Variants in C9 observed in about 807,000 individuals in gnomAD.
The protein encoded by C9 is complement C9.
A neutral mutation model predicts 65.4 loss-of-function variants in C9; 63 were observed. That is an observed-to-expected ratio of 0.96 (90% CI 0.79 to 1.19). The LOEUF is 1.19. Among genes scored for constraint, C9 ranks in the 50% most tolerant of loss-of-function variants. The pLI is 0.00. For missense variants in C9, 744 were observed against 670.1 expected, an observed-to-expected ratio of 1.11 and a Z score of -1.22; for synonymous variants, 229 against 227.9, an observed-to-expected ratio of 1.00 and a Z score of -0.04.
chr5:39,299,915 C>T (rs970433715), intron 9 of C9, among the ~76,000 whole-genome samples: 10 of 152,036 alleles, frequency 6.6e-5, no homozygotes, highest in African/African-American at 2.4e-4. Flanking sequence ...TTCAAATTGG[C>T]TAACTATACC....
chr5:39,312,755 T>C (rs1411735186), intron 6 of C9, among the ~76,000 whole-genome samples: 3 of 152,164 alleles, frequency 2.0e-5, no homozygotes, highest in African/African-American at 7.2e-5. Flanking sequence ...TAACATATGA[T>C]GATTATGTGG....
chr5:39,310,203 C>T (rs1212518157), intron 7 of C9, among the ~76,000 whole-genome samples: 1 of 152,114 alleles, frequency 6.6e-6, no homozygotes, highest in African/African-American at 2.4e-5. Flanking sequence ...CAGGCTTTTA[C>T]GTCACAGTTA....
intron 8 of C9, among the ~76,000 whole-genome samples, chr5:39,307,339 T>G (rs1412647428): frequency 6.6e-6 from 1 of 152,196 alleles, no homozygotes; most frequent in African/African-American, 2.4e-5. Flanking sequence ...TTTTTAAAAC[T>G]GGAAAGGAAT....
At chr5:39,358,801 C>T (rs910694214) in intron 1 of C9, among the ~76,000 whole-genome samples, 7 of 151,388 alleles carry the variant, frequency 4.6e-5, no homozygotes, top group East Asian at 3.9e-4. Flanking sequence ...CTGGCTAAAA[C>T]GGTGAAACCC....
At chr5:39,288,330 T>G (rs1468943809) in intron 10 of C9, among the ~76,000 whole-genome samples, 1 of 151,794 alleles carries the variant, frequency 6.6e-6, no homozygotes, top group African/African-American at 2.4e-5. Context: ...AAAAAGGGTT[T>G]TAAAGTATAT....
At chr5:39,317,228 T>G (rs1442142469) in intron 5 of C9, among the ~76,000 whole-genome samples, 1 of 150,896 alleles carries the variant, frequency 6.6e-6, no homozygotes, top group Non-Finnish European at 1.5e-5. Flanking sequence ...TTTAAGTTCC[T>G]CATAGACTCT....
intron 5 of C9, among the ~76,000 whole-genome samples, chr5:39,322,884 T>C (rs1753687118): frequency 6.6e-6 from 1 of 152,130 alleles, no homozygotes; most frequent in African/African-American, 2.4e-5. Flanking sequence ...AGGCTGAGCA[T>C]AGGGTATATG....
chr5:39,343,450 CA>C, intron 1 of C9, among the ~76,000 whole-genome samples: 1 of 152,308 alleles, frequency 6.6e-6, no homozygotes, highest in East Asian at 1.9e-4. Context: ...AGTCTGAGAT[CA>C]AACTGCAAGG....
chr5:39,311,447 AT>A, intron 6 of C9, 70 bp from the exon 7 acceptor site: 1 of 1,495,788 alleles, frequency 6.7e-7, no homozygotes, highest in Non-Finnish European at 9.2e-7. Flanking sequence ...AATTTATGAA[AT>A]TTAGAACTTC....
chr5:39,344,506 G>A (rs1754152923), intron 1 of C9, among the ~76,000 whole-genome samples: 1 of 152,230 alleles, frequency 6.6e-6, no homozygotes, highest in South Asian at 2.1e-4. Flanking sequence ...AAGCCTCCAA[G>A]AAATATGGGA....
intron 5 of C9, among the ~76,000 whole-genome samples, chr5:39,325,827 A>C (rs527967736): frequency 6.6e-6 from 1 of 151,884 alleles, no homozygotes; most frequent in African/African-American, 2.4e-5. Flanking sequence ...TAACACCTAG[A>C]TCTCTTTTTA....
intron 1 of C9, among the ~76,000 whole-genome samples, chr5:39,348,313 T>C (rs1346279965): frequency 6.6e-6 from 1 of 151,836 alleles, no homozygotes; most frequent in African/African-American, 2.4e-5. Flanking sequence ...AGAACTCAAA[T>C]AAATTTACAA....
intron 9 of C9, among the ~76,000 whole-genome samples, chr5:39,295,971 G>C (rs191323963): frequency 6.6e-6 from 1 of 151,808 alleles, no homozygotes; most frequent in Non-Finnish European, 1.5e-5. Context: ...AGGAAAAACT[G>C]ATTGTCCATA....
chr5:39,298,389 T>A (rs575488991), intron 9 of C9, among the ~76,000 whole-genome samples: 54 of 151,672 alleles, frequency 3.6e-4, no homozygotes, highest in Non-Finnish European at 6.5e-4. Context: ...CAAAAAATGA[T>A]AAACCTCTAC....
intron 1 of C9, among the ~76,000 whole-genome samples, chr5:39,345,555 C>A (rs1270616427): frequency 2.0e-5 from 3 of 152,170 alleles, no homozygotes; most frequent in Non-Finnish European, 4.4e-5. Context: ...GAGACTTAGA[C>A]TCCCACACAA....
At chr5:39,357,320 A>C (rs1247404768) in intron 1 of C9, among the ~76,000 whole-genome samples, 1 of 152,202 alleles carries the variant, frequency 6.6e-6, no homozygotes, top group Non-Finnish European at 1.5e-5. Context: ...TCTTTAGTTC[A>C]TGCAACTCGT....
intron 9 of C9, among the ~76,000 whole-genome samples, chr5:39,297,709 T>C (rs974657600): frequency 1.3e-5 from 2 of 151,690 alleles, no homozygotes; most frequent in Admixed American, 1.3e-4. Flanking sequence ...AACTTTAAAA[T>C]ACATAAAGCT....
At chr5:39,349,671 C>T (rs185148758) in intron 1 of C9, among the ~76,000 whole-genome samples, 17 of 152,310 alleles carry the variant, frequency 1.1e-4, no homozygotes, top group Admixed American at 3.3e-4. Context: ...TGCCCAACTC[C>T]GTGATGACTG....
At chr5:39,286,083 A>G (rs1319213422) in intron 10 of C9, among the ~76,000 whole-genome samples, 3 of 152,086 alleles carry the variant, frequency 2.0e-5, no homozygotes, top group Admixed American at 2.0e-4. Flanking sequence ...GTGATCAAAG[A>G]TAATTTTATA....
Sources: gnomAD v4.1 joint callset for allele counts (sites outside exome capture counted in the v4.1 genomes callset) on GRCh38, gnomAD v4.1.1 for gene constraint, MANE v1.5 for transcripts, NCBI Gene and HGNC (gene_info 2026-07-23, HGNC 2026-07-21) for gene names.